Variants in SLIT3 observed in about 807,000 individuals in gnomAD.
The protein encoded by SLIT3 is slit homolog 3 protein.
Under a neutral mutation model 184.0 loss-of-function variants are expected in SLIT3, and 68 were observed. That is an observed-to-expected ratio of 0.37 (90% CI 0.30 to 0.45). The LOEUF (loss-of-function observed/expected upper bound fraction) is 0.45. Ranked by LOEUF, SLIT3 falls within the 20% of genes least tolerant of loss-of-function variation. SLIT3 has a pLI of 1.00. For missense variants in SLIT3, 1,707 were observed against 2,026.0 expected (o/e 0.84, Z 3.02); for synonymous variants, 831 against 828.6 (o/e 1.00, Z -0.05).
intron 1 of SLIT3, among the ~76,000 whole-genome samples, chr5:169,252,566 A>G (rs560698435): frequency 6.6e-6 from 1 of 152,352 alleles, no homozygotes; most frequent in South Asian, 2.1e-4. Context: ...AATATGCTAC[A>G]GTTCTCAATA....
At position 169,159,171 on chromosome 5, in the gene SLIT3, G is replaced by C. The variant is rs1762398139; in HGVS notation, c.413+34308C>G. ...AGGCCGAGGTGGGCAGATCACCTGAGGTCAAGAGTTCGAGACCAGCCTGAC... is the reference window on the plus strand; with the variant it reads ...AGGCCGAGGTGGGCAGATCACCTGACGTCAAGAGTTCGAGACCAGCCTGAC... On this transcript the variant is annotated intron_variant, in intron 4 of 35. Coordinates refer to ENST00000519560, the MANE Select transcript of SLIT3 (RefSeq NM_003062.4). 4.0e-5 allele frequency among the ~76,000 whole-genome samples: 6 copies of C among 151,404 alleles called. No individual in the cohort carries two copies. The South Asian group carries it at 1.3e-3, about 32-fold the overall frequency.
intron 4 of SLIT3, among the ~76,000 whole-genome samples, chr5:169,002,613 G>A (rs1046731230): frequency 2.2e-4 from 34 of 152,310 alleles, no homozygotes; most frequent in African/African-American, 7.7e-4. Context: ...TGGCAATGGT[G>A]TGCAGGCAAC....
At chr5:169,156,568 G>A (rs1351337096) in intron 4 of SLIT3, among the ~76,000 whole-genome samples, 1 of 152,206 alleles carries the variant, frequency 6.6e-6, no homozygotes, top group African/African-American at 2.4e-5. Context: ...CCCCTTGGTG[G>A]AGAGCATCTT....
intron 23 of SLIT3, among the ~76,000 whole-genome samples, chr5:168,714,208 T>C (rs1277504960): frequency 6.6e-6 from 1 of 152,240 alleles, no homozygotes; most frequent in Non-Finnish European, 1.5e-5. Flanking sequence ...ATTTAGCCTC[T>C]AGTTCATGAG....
chr5:168,920,036 T>C (rs575099562), intron 4 of SLIT3, among the ~76,000 whole-genome samples: 87 of 152,350 alleles, frequency 5.7e-4, no homozygotes, highest in Non-Finnish European at 1.1e-3. Context: ...GGGTTTCTAC[T>C]ACGTGGAAGT....
intron 4 of SLIT3, among the ~76,000 whole-genome samples, chr5:168,897,894 CA>C (rs1760739623): frequency 8.4e-6 from 1 of 118,668 alleles, no homozygotes; most frequent in Non-Finnish European, 2.0e-5. Context: ...TCCTCTGAGA[CA>C]CCCCCCCACC....
chr5:168,849,278 G>A (rs1404941307), intron 5 of SLIT3, among the ~76,000 whole-genome samples: 1 of 152,180 alleles, frequency 6.6e-6, no homozygotes, highest in African/African-American at 2.4e-5. Flanking sequence ...TCATCAGGTG[G>A]ATGGTTAAAC....
chr5:168,708,457 C>T (rs1202186283), intron 25 of SLIT3: 1 of 306,372 alleles, frequency 3.3e-6, no homozygotes, highest in Non-Finnish European at 6.2e-6. Context: ...GCCCAGGCTC[C>T]ATTCGGACCT....
chr5:168,914,585 A>G (rs768792796), intron 4 of SLIT3, among the ~76,000 whole-genome samples: 45 of 152,334 alleles, frequency 3.0e-4, no homozygotes, highest in African/African-American at 9.4e-4. Context: ...TTTGGATTCT[A>G]TTCCCAACTC....
intron 3 of SLIT3, among the ~76,000 whole-genome samples, chr5:169,201,413 C>T (rs1763900454): frequency 6.6e-6 from 1 of 152,172 alleles, no homozygotes. Context: ...ACATGTACCT[C>T]ATGGGATATC....
intron 3 of SLIT3, among the ~76,000 whole-genome samples, chr5:169,213,579 C>G (rs1764342246): frequency 6.6e-6 from 1 of 152,196 alleles, no homozygotes; most frequent in Non-Finnish European, 1.5e-5. Context: ...ATCCCTTCCT[C>G]CAGGAGATCT....
At chr5:168,736,757 A>T (rs1228881757) in intron 20 of SLIT3, among the ~76,000 whole-genome samples, 2 of 149,078 alleles carry the variant, frequency 1.3e-5, no homozygotes, top group Admixed American at 1.3e-4. Flanking sequence ...TTTCAAGAGG[A>T]CCCATGTAAG....
At chr5:168,695,962 C>A (rs1378418628) in intron 28 of SLIT3, among the ~76,000 whole-genome samples, 2 of 152,170 alleles carry the variant, frequency 1.3e-5, no homozygotes, top group African/African-American at 4.8e-5. Flanking sequence ...GAAGCATAAA[C>A]ACAATGCAAG....
At chr5:169,226,474 G>A (rs1271365436) in intron 3 of SLIT3, among the ~76,000 whole-genome samples, 1 of 152,076 alleles carries the variant, frequency 6.6e-6, no homozygotes, top group Non-Finnish European at 1.5e-5. Flanking sequence ...CTGAGCTTTG[G>A]TCCCAGGTAG....
At chr5:168,806,256 G>A (rs867165102) in intron 9 of SLIT3, among the ~76,000 whole-genome samples, 190 bp downstream of exon 9, 2 of 152,176 alleles carry the variant, frequency 1.3e-5, no homozygotes, top group African/African-American at 2.4e-5. Context: ...TTCTGATCTC[G>A]AGTCTATGCT....
chr5:169,175,195 T>C (rs984809924), intron 4 of SLIT3, among the ~76,000 whole-genome samples: 1 of 152,176 alleles, frequency 6.6e-6, no homozygotes, highest in Non-Finnish European at 1.5e-5. Flanking sequence ...AGTCAGAGAA[T>C]AGACTGATAC....
chr5:168,922,361 G>A (rs935526123), intron 4 of SLIT3, among the ~76,000 whole-genome samples: 1 of 150,720 alleles, frequency 6.6e-6, no homozygotes, highest in African/African-American at 2.4e-5. Flanking sequence ...GGAGGCTGAG[G>A]CAGGAGAATG....
intron 5 of SLIT3, among the ~76,000 whole-genome samples, chr5:168,847,331 A>G (rs1393161834): frequency 6.6e-6 from 1 of 152,238 alleles, no homozygotes; most frequent in Admixed American, 6.5e-5. Context: ...TGTTCTAACC[A>G]CAGATAAATG....
chr5:169,034,912 A>AGTGTGTGTGT (rs112102059), intron 4 of SLIT3, among the ~76,000 whole-genome samples: 529 of 132,398 alleles, frequency 4.0e-3, no homozygotes, highest in Non-Finnish European at 5.7e-3. Context: ...ACGCCCAGCT[A>AGTGTGTGTGT]GTGTGTGTGT....
Sources: allele counts gnomAD v4.1 joint callset (sites outside exome capture counted in the v4.1 genomes callset), GRCh38; gene constraint gnomAD v4.1.1; transcripts MANE v1.5; gene names NCBI Gene and HGNC (gene_info 2026-07-23, HGNC 2026-07-21).